Variants in PSMA3 observed in about 807,000 individuals in gnomAD.
PSMA3 encodes proteasome subunit alpha type-3.
PSMA3 carries 8 observed loss-of-function variants against 40.0 expected under a neutral mutation model. The observed-to-expected ratio is 0.20, with a 90% confidence interval of 0.12 to 0.36. The LOEUF (loss-of-function observed/expected upper bound fraction) is 0.36, where lower values mean the gene tolerates loss of function less well. Among genes scored for constraint, PSMA3 ranks in the 10% least tolerant of loss-of-function variants. The probability of loss-of-function intolerance (pLI) is 1.00; values close to 1 mark genes in which losing one functional copy is unlikely to be tolerated. For synonymous variants in PSMA3, 110 were observed against 100.0 expected, an observed-to-expected ratio of 1.10 and a Z score of -0.59; for missense variants, 219 against 310.6, an observed-to-expected ratio of 0.70 and a Z score of 2.22.
At position 58,263,765 on chromosome 14, in the gene PSMA3, C is replaced by T. The variant is rs1016120292; in HGVS notation, c.538C>T (p.Leu180Phe). The T allele has an allele frequency of 7.4e-6, 12 of 1,613,504 alleles. No homozygotes were observed. The highest frequency in any genetic ancestry group is 8.5e-6 in the Non-Finnish European group (10 of 1,179,712). ...RQAAKTEIEKLQMKEMTCRDI... is the reference protein window; with the variant it reads ...RQAAKTEIEKFQMKEMTCRDI... ...AGCTGCAAAGACGGAAATAGAGAAGCTTCAGGTAATAATTAATGCTTGAAT... is the reference window on the plus strand; with the variant it reads ...AGCTGCAAAGACGGAAATAGAGAAGTTTCAGGTAATAATTAATGCTTGAAT... Residue 180 changes from leucine (L) to phenylalanine (F), a missense_variant, in exon 7 of 11, where the codon CTT becomes TTT. Transcript: ENST00000216455.
At chr14:58,251,731 GTTAAC>G (rs1890015394) in intron 2 of PSMA3, among the ~76,000 whole-genome samples, 1 of 152,134 alleles carries the variant, frequency 6.6e-6, no homozygotes, top group South Asian at 2.1e-4. Context: ...AGCAGTCACT[GTTAAC>G]TTTTTAGTTT....
chr14:58,262,518 G>A (rs992098919), intron 6 of PSMA3, among the ~76,000 whole-genome samples: 7 of 151,896 alleles, frequency 4.6e-5, no homozygotes, highest in Non-Finnish European at 8.8e-5. Context: ...CCCTTTTAAA[G>A]AGAAGGTTTA....
At chr14:58,249,863 T>C (rs1468902605) in intron 2 of PSMA3, among the ~76,000 whole-genome samples, 1 of 152,204 alleles carries the variant, frequency 6.6e-6, no homozygotes, top group Admixed American at 6.5e-5. Context: ...TGAAAGGATT[T>C]CAGAGATTTC....
intron 2 of PSMA3, 112 bp from the exon 3 acceptor site, chr14:58,252,007 A>T: frequency 9.7e-7 from 1 of 1,036,102 alleles, no homozygotes; most frequent in Non-Finnish European, 1.4e-6. Context: ...CAAATGTTTT[A>T]AGGTATTTGG....
In PSMA3 at chr14:58,247,181, C is replaced by T. The variant is rs528275584; in HGVS notation, c.22-569C>T. 8.7e-4 allele frequency among the ~76,000 whole-genome samples: 132 copies of T among 152,330 alleles called. 1 individual carries two copies. The highest frequency in any genetic ancestry group is 3.6e-3 in the Admixed American group (55 of 15,300). ...GCCTAAATATAACTGCCCAGAAGGC[C>T]TTCCCTGATGATGTAGTCTGTAGTA... On this transcript the variant is annotated intron_variant, in intron 1 of 10. Coordinates refer to ENST00000216455, the MANE Select transcript of PSMA3 (RefSeq NM_002788.4).
At chr14:58,270,887 A>C in intron 9 of PSMA3, 47 bp from the exon 10 acceptor site, 3 of 1,459,144 alleles carry the variant, frequency 2.1e-6, no homozygotes, top group Non-Finnish European at 2.9e-6. Context: ...AAGTTACAAT[A>C]TGGTACTCAA....
intron 3 of PSMA3, among the ~76,000 whole-genome samples, chr14:58,256,332 T>A (rs887860230): frequency 1.2e-4 from 18 of 152,180 alleles, no homozygotes; most frequent in African/African-American, 3.4e-4. Flanking sequence ...ATTTTTCGAT[T>A]TTGGAATATC....
intron 2 of PSMA3, among the ~76,000 whole-genome samples, chr14:58,249,171 G>A (rs1594823276): frequency 1.3e-5 from 2 of 151,934 alleles, no homozygotes; most frequent in Middle Eastern, 3.4e-3. Flanking sequence ...TGTTGGTCAG[G>A]CTGGTCTCGA....
At chr14:58,254,655 G>A (rs566121418) in intron 3 of PSMA3, among the ~76,000 whole-genome samples, 4 of 151,842 alleles carry the variant, frequency 2.6e-5, no homozygotes, top group African/African-American at 9.7e-5. Context: ...CATTGAAGAG[G>A]GCTGGAGAAA....
At chr14:58,262,985 CTTTT>C (rs5808966) in intron 6 of PSMA3, among the ~76,000 whole-genome samples, 9 of 131,652 alleles carry the variant, frequency 6.8e-5, no homozygotes, top group Non-Finnish European at 9.7e-5. Context: ...TGTGTACATC[CTTTT>C]TTTTTTTTTT....
At chr14:58,265,163 C>T (rs1395286365) in intron 7 of PSMA3, 4 of 152,146 alleles carry the variant, frequency 2.6e-5, no homozygotes, top group Non-Finnish European at 4.4e-5. Flanking sequence ...GAGGCTGAGG[C>T]AGGAGGACTG....
chr14:58,262,586 A>AG (rs1491433648), intron 6 of PSMA3, among the ~76,000 whole-genome samples: 2 of 148,704 alleles, frequency 1.3e-5, no homozygotes, highest in African/African-American at 5.0e-5. Context: ...TTTTTGAGAC[A>AG]GAGTCTTGCT....
rs1332443166 is a variant in PSMA3, at chr14:58,244,847, G to C, written c.-74G>C. On this transcript the variant is annotated 5_prime_UTR_variant, in exon 1 of 11. Coordinates refer to ENST00000216455, the MANE Select transcript of PSMA3 (RefSeq NM_002788.4). ...CAGCCAATGAGCGGGCCTGTTACTA[G>C]TTTGCGGCATCCTGTGGTATAGGGG... 5.0e-6 allele frequency: 8 copies of C among 1,603,190 alleles called. No homozygotes were observed. The Admixed American group carries it at 6.7e-5, about 13-fold the overall frequency.
intron 7 of PSMA3, chr14:58,265,668 A>G (rs1441355211): frequency 1.3e-5 from 2 of 152,248 alleles, no homozygotes; most frequent in East Asian, 3.8e-4. Context: ...TCTGTTTACT[A>G]AAAAATAAAA....
At chr14:58,257,119 A>T (rs1457720374) in intron 3 of PSMA3, among the ~76,000 whole-genome samples, 2 of 151,752 alleles carry the variant, frequency 1.3e-5, no homozygotes, top group Non-Finnish European at 2.9e-5. Context: ...AAAAAAAAAA[A>T]AAATCTGACC....
intron 2 of PSMA3, among the ~76,000 whole-genome samples, chr14:58,248,390 C>T (rs1228323315): frequency 2.0e-5 from 3 of 151,948 alleles, no homozygotes; most frequent in African/African-American, 4.8e-5. Context: ...CCACCATGCC[C>T]GGATAATTTT....
chr14:58,257,918 T>C lies in PSMA3; in HGVS notation c.331-7T>C. On this transcript the variant is annotated splice_polypyrimidine_tract_variant and splice_region_variant and intron_variant, in intron 4 of 10. Coordinates refer to ENST00000216455, the MANE Select transcript of PSMA3 (RefSeq NM_002788.4). The stretch of plus-strand genomic sequence containing the variant: ...TTATTAATAAGCTCTTCTGCTTCCC[T>C]CCATAGCATCTTGCAGACAGAGTGG... 1 of 1,613,618 alleles carries C rather than the reference T, an allele frequency of 6.2e-7. No individual in the cohort carries two copies. The highest frequency in any genetic ancestry group is 1.3e-5 in the African/African-American group (1 of 75,028).
In PSMA3 at chr14:58,270,138, G is replaced by A. The variant is rs535568989; in HGVS notation, c.591-280G>A. ...TGGGATTACAGGTGTGAGCCACTGT[G>A]CCCAGCCAAGTTATATCTCTAAAGC... On this transcript the variant is annotated intron_variant, in intron 8 of 10. Coordinates refer to ENST00000216455, the MANE Select transcript of PSMA3 (RefSeq NM_002788.4). The A allele has an allele frequency of 7.6e-5, 22 of 290,962 alleles. No individual in the cohort carries two copies. The South Asian group carries it at 9.6e-4, about 13-fold the overall frequency. 18.0% of individuals were successfully genotyped at this position (290,962 alleles called of 1,614,324 possible). A position where few individuals can be genotyped will look rare whatever the true frequency, so the allele number is the denominator to read the frequency against.
chr14:58,260,430 T>C (rs2140089269), intron 5 of PSMA3, among the ~76,000 whole-genome samples: 1 of 152,346 alleles, frequency 6.6e-6, no homozygotes, highest in Admixed American at 6.5e-5. Flanking sequence ...GCCCACTGTA[T>C]GTCACAATTT....
Sources: allele counts gnomAD v4.1 joint callset (sites outside exome capture counted in the v4.1 genomes callset), GRCh38; gene constraint gnomAD v4.1.1; transcripts MANE v1.5; gene names NCBI Gene and HGNC (gene_info 2026-07-23, HGNC 2026-07-21).